The following KANK1 variants were observed in gnomAD, a reference collection of about 807,000 sequenced individuals.
KANK1 encodes the protein KN motif and ankyrin repeat domain-containing protein 1.
A neutral mutation model predicts 106.2 loss-of-function variants in KANK1; 109 were observed. The ratio of observed to expected loss-of-function variants is 1.03; its 90% CI spans 0.88 to 1.20. KANK1 has a LOEUF of 1.20. Among genes scored for constraint, KANK1 ranks in the 50% most tolerant of loss-of-function variants. The pLI is 0.00. For synonymous variants in KANK1, 873 were observed against 652.2 expected (o/e 1.34, Z -5.16); for missense variants, 2,399 against 1,710.7 (o/e 1.40, Z -7.10).
At chr9:698,307 C>T (rs1363489871) in intron 2 of KANK1, among the ~76,000 whole-genome samples, 1 of 152,112 alleles carries the variant, frequency 6.6e-6, no homozygotes, top group African/African-American at 2.4e-5. Flanking sequence ...TTCTGCATCT[C>T]AACATGCTAA....
chr9:651,034 T>A (rs562581759), intron 1 of KANK1, among the ~76,000 whole-genome samples: 1 of 152,294 alleles, frequency 6.6e-6, no homozygotes, highest in South Asian at 2.1e-4. Context: ...CTAGTTTGTG[T>A]GACTATATTC....
At chr9:475,786 A>G (rs574500284) in intron 3 of KANK1, among the ~76,000 whole-genome samples, 8 of 152,326 alleles carry the variant, frequency 5.3e-5, no homozygotes, top group African/African-American at 1.9e-4. Flanking sequence ...TAACATAGCT[A>G]GATATTTTTC....
chr9:593,056 A>T (rs1339228812), intron 1 of KANK1, among the ~76,000 whole-genome samples: 1 of 151,818 alleles, frequency 6.6e-6, no homozygotes, highest in Non-Finnish European at 1.5e-5. Flanking sequence ...TCAATATCTA[A>T]TGCTAGTAGA....
intron 1 of KANK1, among the ~76,000 whole-genome samples, chr9:665,905 C>G (rs1285025859): frequency 6.6e-6 from 1 of 152,084 alleles, no homozygotes; most frequent in Non-Finnish European, 1.5e-5. Flanking sequence ...AGGGGCCAGG[C>G]ACAGTGGCTG....
At chr9:536,854 C>G (rs2060327013) in intron 1 of KANK1, among the ~76,000 whole-genome samples, 1 of 152,156 alleles carries the variant, frequency 6.6e-6, no homozygotes, top group Non-Finnish European at 1.5e-5. Context: ...ATACAGTTAA[C>G]TCTCTTAGTT....
chr9:602,573 A>AATGAGAAT (rs57605578), intron 1 of KANK1, among the ~76,000 whole-genome samples: 11,153 of 151,706 alleles, frequency 0.074, 1,262 homozygotes, highest in East Asian at 0.24. Flanking sequence ...TCCATATTTT[A>AATGAGAAT]ATGAGAATAT....
chr9:557,039 C>G (rs971324199), intron 1 of KANK1, among the ~76,000 whole-genome samples: 3 of 151,876 alleles, frequency 2.0e-5, no homozygotes, highest in Non-Finnish European at 4.4e-5. Flanking sequence ...AATTTCTGGG[C>G]GAGTGTAGTG....
chr9:533,055 A>T (rs1356557516), intron 1 of KANK1, among the ~76,000 whole-genome samples: 1 of 152,180 alleles, frequency 6.6e-6, no homozygotes, highest in South Asian at 2.1e-4. Flanking sequence ...AGAGGAAAGC[A>T]CTTTTGAATA....
intron 1 of KANK1, among the ~76,000 whole-genome samples, chr9:564,357 CGGCCAGAATGCACTTTCT>C (rs900609512): frequency 9.2e-5 from 14 of 152,100 alleles, no homozygotes; most frequent in African/African-American, 2.9e-4. Context: ...CCACCGTGCC[CGGCCAGAATGCACTTTCT>C]GTAGCAAAGT....
At chr9:655,370 T>TAA (rs59311073) in intron 1 of KANK1, among the ~76,000 whole-genome samples, 37 of 137,854 alleles carry the variant, frequency 2.7e-4, no homozygotes, top group Middle Eastern at 3.7e-3. Context: ...AAATTCTGTC[T>TAA]AAAAAAAAAA....
chr9:615,245 C>A (rs1260365031), intron 1 of KANK1, among the ~76,000 whole-genome samples: 3 of 152,180 alleles, frequency 2.0e-5, no homozygotes, highest in African/African-American at 7.2e-5. Context: ...ATAGTATCAT[C>A]TTTTTGATAC....
At chr9:496,894 A>G (rs1202792659) in intron 3 of KANK1, among the ~76,000 whole-genome samples, 5 of 152,334 alleles carry the variant, frequency 3.3e-5, no homozygotes, top group African/African-American at 1.2e-4. Flanking sequence ...TAGTAGAATG[A>G]CATACACATT....
chr9:659,657 G>A (rs1452325182), intron 1 of KANK1, among the ~76,000 whole-genome samples: 2 of 152,026 alleles, frequency 1.3e-5, no homozygotes, highest in Non-Finnish European at 2.9e-5. Flanking sequence ...GGTGGATGGC[G>A]AAGGGGAAGG....
chr9:554,477 G>A (rs1018725368), intron 1 of KANK1, among the ~76,000 whole-genome samples: 1 of 152,188 alleles, frequency 6.6e-6, no homozygotes, highest in Non-Finnish European at 1.5e-5. Flanking sequence ...AAAAAGTGCG[G>A]TTTGTGGCCA....
intron 2 of KANK1, chr9:677,753 T>A (rs1816689219): frequency 6.6e-6 from 1 of 152,198 alleles, no homozygotes; most frequent in Admixed American, 6.5e-5. Flanking sequence ...TTTCTGAGCG[T>A]CTGAGTCCAG....
At chr9:725,078 G>C (rs1424876114) in intron 3 of KANK1, among the ~76,000 whole-genome samples, 2 of 152,148 alleles carry the variant, frequency 1.3e-5, no homozygotes, top group Non-Finnish European at 2.9e-5. Context: ...GAGTTGTAAA[G>C]GAATCGTCCA....
Position 712,712 on chromosome 9 carries a change from G to T in KANK1, c.1946G>T (p.Gly649Val). 1 of 1,613,982 alleles carries T rather than the reference G, an allele frequency of 6.2e-7. No individual in the cohort carries two copies. Among genetic ancestry groups the T allele is most frequent in the Non-Finnish European group, 8.5e-7 (1 of 1,179,938 alleles). Residue 649 changes from glycine to valine, a missense_variant, in exon 3 of 12, where the codon GGC becomes GTC. By Grantham distance (109) the Gly-to-Val change is moderately radical. Transcript: ENST00000382297. ...VCSPKECASR[G>V]VNTEAVSQVE... The stretch of plus-strand genomic sequence containing the variant: ...TCTCCAAAGGAGTGCGCCTCCCGGG[G>T]CGTGAACACTGAGGCTGTTAGCCAG...
At position 744,560 on chromosome 9, in the gene KANK1, C is replaced by A; in HGVS notation, c.3967C>A (p.His1323Asn). 1 of 1,614,124 alleles carries A rather than the reference C, an allele frequency of 6.2e-7. No homozygotes were observed. The highest frequency in any genetic ancestry group is 8.5e-7 in the Non-Finnish European group (1 of 1,180,012). Reference sequence around the variant, plus strand: ...GGACATCGCTGTTCTTCTGTATGCCCATGTCAACTTTGCAAAAGCCCAGTC... The same window carrying A: ...GGACATCGCTGTTCTTCTGTATGCCAATGTCAACTTTGCAAAAGCCCAGTC... ...HKDIAVLLYAHVNFAKAQSPG... is the reference protein window; with the variant it reads ...HKDIAVLLYANVNFAKAQSPG... Residue 1323 changes from histidine to asparagine, a missense_variant, in exon 11 of 12, where the codon CAT becomes AAT. Coordinates refer to ENST00000382297, the MANE Select transcript of KANK1 (RefSeq NM_015158.5).
At chr9:618,237 C>G (rs975544171) in intron 1 of KANK1, among the ~76,000 whole-genome samples, 1 of 152,136 alleles carries the variant, frequency 6.6e-6, no homozygotes, top group Admixed American at 6.5e-5. Context: ...GAGACAGAGT[C>G]TCGCCCTGTC....
Sources: gnomAD v4.1 joint callset for allele counts (sites outside exome capture counted in the v4.1 genomes callset) on GRCh38, gnomAD v4.1.1 for gene constraint, MANE v1.5 for transcripts, NCBI Gene and HGNC (gene_info 2026-07-23, HGNC 2026-07-21) for gene names.